The following PDGFC variants were observed in gnomAD, a reference collection of about 807,000 sequenced individuals.
PDGFC encodes platelet derived growth factor C.
Under a neutral mutation model 35.5 loss-of-function variants are expected in PDGFC, and 12 were observed. The ratio of observed to expected loss-of-function variants is 0.34; its 90% CI spans 0.22 to 0.55. PDGFC has a LOEUF of 0.55. PDGFC is among the 20% of genes least tolerant of loss of function. PDGFC has a pLI of 0.91. For missense variants in PDGFC, 322 were observed against 412.4 expected (o/e 0.78, Z 1.90); for synonymous variants, 159 against 148.8 (o/e 1.07, Z -0.50).
At chr4:156,769,427 T>C (rs1461608071) in intron 4 of PDGFC, among the ~76,000 whole-genome samples, 2 of 151,952 alleles carry the variant, frequency 1.3e-5, no homozygotes, top group Non-Finnish European at 2.9e-5. Context: ...ATTATAAAAT[T>C]ATGCATAGGT....
intron 1 of PDGFC, among the ~76,000 whole-genome samples, chr4:156,884,182 C>A (rs1400084149): frequency 1.3e-5 from 2 of 152,132 alleles, no homozygotes; most frequent in African/African-American, 4.8e-5. Flanking sequence ...GCCTTCTTTT[C>A]CTATTTGGGA....
chr4:156,890,126 T>C (rs1235870050), intron 1 of PDGFC, among the ~76,000 whole-genome samples: 1 of 152,088 alleles, frequency 6.6e-6, no homozygotes, highest in African/African-American at 2.4e-5. Flanking sequence ...GGAACCTACA[T>C]GTGTCAAGTG....
chr4:156,887,684 T>C (rs530220184), intron 1 of PDGFC, among the ~76,000 whole-genome samples: 2 of 152,316 alleles, frequency 1.3e-5, no homozygotes, highest in Admixed American at 6.5e-5. Context: ...AGCTTTCTAA[T>C]AGATATCTCC....
At chr4:156,915,293 T>C (rs1018966192) in intron 1 of PDGFC, among the ~76,000 whole-genome samples, 3 of 152,178 alleles carry the variant, frequency 2.0e-5, no homozygotes, top group African/African-American at 4.8e-5. Context: ...TCTCTCCTCA[T>C]AGCCTTTTAA....
rs192812266 is a variant in PDGFC at position 156,856,949 on chromosome 4, G to T, written c.119-6533C>A. ...AATATACCTACTTATTTTGAAAATA[G>T]AACACATTTTATAATGTACCACACC... On this transcript the variant is annotated intron_variant, in intron 1 of 5. Transcript: ENST00000502773. Among the ~76,000 whole-genome samples the T allele has an allele frequency of 3.3e-5, 5 of 152,050 alleles. No individual in the cohort carries two copies. The East Asian group carries it at 7.7e-4, about 24-fold the overall frequency.
chr4:156,911,449 A>C (rs1731037261), intron 1 of PDGFC, among the ~76,000 whole-genome samples: 1 of 152,034 alleles, frequency 6.6e-6, no homozygotes, highest in Non-Finnish European at 1.5e-5. Context: ...TTAATACTGT[A>C]TTTTGAGGTA....
intron 1 of PDGFC, among the ~76,000 whole-genome samples, chr4:156,904,596 A>G (rs1194746861): frequency 6.6e-6 from 1 of 152,090 alleles, no homozygotes; most frequent in Non-Finnish European, 1.5e-5. Context: ...ATCTTAGTAG[A>G]TACAAAGACA....
chr4:156,949,683 G>T (rs1229314731), intron 1 of PDGFC, among the ~76,000 whole-genome samples: 1 of 151,880 alleles, frequency 6.6e-6, no homozygotes, highest in African/African-American at 2.4e-5. Context: ...TCTACACTGT[G>T]CAAAGCCAAA....
At chr4:156,941,676 C>A (rs62331511) in intron 1 of PDGFC, among the ~76,000 whole-genome samples, 1 of 152,092 alleles carries the variant, frequency 6.6e-6, no homozygotes, top group African/African-American at 2.4e-5. Flanking sequence ...CTTCTTTCAA[C>A]TTTTGGGCCG....
chr4:156,818,806 C>T (rs1433839177), intron 2 of PDGFC, among the ~76,000 whole-genome samples: 1 of 152,104 alleles, frequency 6.6e-6, no homozygotes, highest in Non-Finnish European at 1.5e-5. Flanking sequence ...CTGGCCCACT[C>T]TTTCTAGCTT....
intron 4 of PDGFC, among the ~76,000 whole-genome samples, chr4:156,772,192 C>T (rs913734035): frequency 2.0e-5 from 3 of 152,054 alleles, no homozygotes; most frequent in African/African-American, 4.8e-5. Context: ...GGGTCGTTGC[C>T]ATTTTTCATA....
chr4:156,893,351 T>A lies in PDGFC; in HGVS notation c.119-42935A>T, dbSNP rs374675453. ...GCTCTAACTAGATTTTTTTTTTTTT[T>A]AAGACAGGGTCTTGGTCTGTCACCT... On this transcript the variant is annotated intron_variant, in intron 1 of 5. Transcript: ENST00000502773. 3.5e-5 allele frequency among the ~76,000 whole-genome samples: 5 copies of A among 144,586 alleles called. No individual in the cohort carries two copies. In the South Asian group the frequency reaches 8.7e-4, roughly 25 times the overall value. The allele number at this position is 144,586 out of a possible 152,430, so 94.9% of individuals were successfully genotyped here. A position where few individuals can be genotyped will look rare whatever the true frequency, so the allele number is the denominator to read the frequency against.
intron 1 of PDGFC, among the ~76,000 whole-genome samples, chr4:156,892,888 G>A (rs868070200): frequency 2.6e-5 from 4 of 152,200 alleles, no homozygotes; most frequent in African/African-American, 7.2e-5. Flanking sequence ...TTAACATCTG[G>A]GTACTTGCTG....
intron 1 of PDGFC, among the ~76,000 whole-genome samples, chr4:156,964,612 C>T (rs1270250279): frequency 6.6e-6 from 1 of 151,928 alleles, no homozygotes; most frequent in African/African-American, 2.4e-5. Flanking sequence ...ATGCAATCCA[C>T]TAACATAATA....
At chr4:156,845,605 T>C (rs1410276428) in intron 2 of PDGFC, among the ~76,000 whole-genome samples, 1 of 151,874 alleles carries the variant, frequency 6.6e-6, no homozygotes. Flanking sequence ...GACATATAAA[T>C]AAACTATGTC....
rs72974702 is a variant in PDGFC at position 156,864,985 on chromosome 4, T to C, written c.119-14569A>G. Among the ~76,000 whole-genome samples the C allele has an allele frequency of 8.2e-3, 1,247 of 152,250 alleles. 18 individuals are homozygous for C. The highest frequency in any genetic ancestry group is 0.028 in the African/African-American group (1,173 of 41,556). ...TGGTCAAATCAGAAAATTATATATCTGTACAATCTAAAATTATATACACTC... is the reference window on the plus strand; with the variant it reads ...TGGTCAAATCAGAAAATTATATATCCGTACAATCTAAAATTATATACACTC... On this transcript the variant is annotated intron_variant, in intron 1 of 5. Coordinates refer to ENST00000502773, the MANE Select transcript of PDGFC (RefSeq NM_016205.3).
At chr4:156,823,930 C>T (rs1470832771) in intron 2 of PDGFC, among the ~76,000 whole-genome samples, 1 of 152,020 alleles carries the variant, frequency 6.6e-6, no homozygotes, top group East Asian at 1.9e-4. Context: ...TCATTCATGA[C>T]AACATGAACG....
intron 1 of PDGFC, among the ~76,000 whole-genome samples, chr4:156,863,018 A>G (rs1307501883): frequency 1.1e-4 from 17 of 152,076 alleles, no homozygotes; most frequent in Admixed American, 1.1e-3. Flanking sequence ...AGTTCTTACA[A>G]TGATTTTCCG....
rs140044447 is a variant in PDGFC, at chr4:156,772,857, G to C, written c.532C>G (p.Pro178Ala). 166 of 1,613,334 alleles carry C rather than the reference G, an allele frequency of 1.0e-4. No individual in the cohort carries two copies. The highest frequency in any genetic ancestry group is 1.1e-4 in the South Asian group (10 of 91,072). Reference protein sequence around the residue: ...TEAVSPSVLPPSALPLDLLNN... With the variant: ...TEAVSPSVLPASALPLDLLNN... ...AGCAGGTCCAGTGGCAAAGCTGAAG[G>C]GGGTAGCACTGAAGGACTCACAGCT... The change falls in exon 4 of 6, where the codon CCT becomes GCT. Residue 178 changes from proline to alanine, a missense_variant. Physicochemically the swap from Pro to Ala is conservative, Grantham distance 27. Coordinates refer to ENST00000502773, the MANE Select transcript of PDGFC (RefSeq NM_016205.3).
Sources: gnomAD v4.1 joint callset for allele counts (sites outside exome capture counted in the v4.1 genomes callset) on GRCh38, gnomAD v4.1.1 for gene constraint, MANE v1.5 for transcripts, NCBI Gene and HGNC (gene_info 2026-07-23, HGNC 2026-07-21) for gene names.